CADM2: variants seen among roughly 807,000 people sequenced by gnomAD.
CADM2 encodes cell adhesion molecule 2.
CADM2 carries 12 observed loss-of-function variants against 49.8 expected under a neutral mutation model. The observed-to-expected ratio is 0.24, with a 90% CI of 0.15 to 0.39. CADM2 has a LOEUF of 0.39. Among genes scored for constraint, CADM2 ranks in the 10% least tolerant of loss-of-function variants. The probability of loss-of-function intolerance (pLI) is 1.00; values close to 1 mark genes in which losing one functional copy is unlikely to be tolerated. For synonymous variants in CADM2, 214 were observed against 175.4 expected (o/e 1.22, Z -1.74); for missense variants, 378 against 492.3 (o/e 0.77, Z 2.20).
At chr3:85,853,343 A>G (rs1252412469) in intron 3 of CADM2, among the ~76,000 whole-genome samples, 5 of 152,088 alleles carry the variant, frequency 3.3e-5, no homozygotes, top group Non-Finnish European at 1.5e-5. Flanking sequence ...GAAGGGGGAC[A>G]GATCATCTAA....
chr3:84,971,305 T>G (rs1414737814), intron 1 of CADM2, among the ~76,000 whole-genome samples: 1 of 152,142 alleles, frequency 6.6e-6, no homozygotes, highest in Non-Finnish European at 1.5e-5. Flanking sequence ...AGTATTGATT[T>G]TACGGAAAGA....
At chr3:85,552,668 A>G (rs548410174) in intron 1 of CADM2, among the ~76,000 whole-genome samples, 5 of 139,260 alleles carry the variant, frequency 3.6e-5, no homozygotes, top group Admixed American at 2.1e-4. Context: ...GTGTGAGCCA[A>G]TGCGCCCGGC....
intron 3 of CADM2, among the ~76,000 whole-genome samples, chr3:85,823,047 G>A (rs2073688141): frequency 1.3e-5 from 2 of 152,140 alleles, no homozygotes; most frequent in African/African-American, 4.8e-5. Flanking sequence ...TAAGATAAGT[G>A]AAGGCTGGCT....
At chr3:85,843,946 A>G (rs898105108) in intron 3 of CADM2, among the ~76,000 whole-genome samples, 1 of 151,912 alleles carries the variant, frequency 6.6e-6, no homozygotes, top group Non-Finnish European at 1.5e-5. Context: ...CTTAGTTTAG[A>G]TATTACTAGC....
chr3:84,987,035 A>G (rs1272306777), intron 1 of CADM2, among the ~76,000 whole-genome samples: 3 of 151,866 alleles, frequency 2.0e-5, no homozygotes, highest in African/African-American at 7.2e-5. Context: ...CTGGGCAACA[A>G]GAGCGAAACT....
intron 1 of CADM2, among the ~76,000 whole-genome samples, chr3:85,154,225 A>G (rs926788953): frequency 4.6e-5 from 7 of 152,300 alleles, no homozygotes; most frequent in Non-Finnish European, 8.8e-5. Context: ...TAGAATAACC[A>G]ATATAGAGAA....
chr3:85,573,286 G>A (rs911868003), intron 1 of CADM2, among the ~76,000 whole-genome samples: 7 of 151,822 alleles, frequency 4.6e-5, no homozygotes, highest in South Asian at 2.1e-4. Context: ...TCTGCTTCCC[G>A]GGTTCAAGTG....
intron 1 of CADM2, among the ~76,000 whole-genome samples, chr3:85,721,194 T>G (rs1241257975): frequency 6.6e-6 from 1 of 152,222 alleles, no homozygotes; most frequent in Non-Finnish European, 1.5e-5. Flanking sequence ...TAATTTGTAG[T>G]GTGTACTATA....
chr3:85,995,622 C>G (rs919155011), intron 8 of CADM2, among the ~76,000 whole-genome samples: 3 of 152,152 alleles, frequency 2.0e-5, no homozygotes, highest in East Asian at 3.9e-4. Context: ...TGACCATACA[C>G]TATTTATTTC....
chr3:85,697,114 C>CAT (rs1174142599), intron 1 of CADM2, among the ~76,000 whole-genome samples: 22 of 141,820 alleles, frequency 1.6e-4, no homozygotes, highest in South Asian at 8.9e-4. Context: ...ATATATATGG[C>CAT]ATATATATAT....
In CADM2 at chr3:85,042,072, C is replaced by A. The variant is rs180685328; in HGVS notation, c.61+82404C>A. 2.0e-3 allele frequency among the ~76,000 whole-genome samples: 303 copies of A among 152,094 alleles called. 1 individual carries two copies. The highest frequency in any genetic ancestry group is 3.1e-3 in the Non-Finnish European group (209 of 67,988). ...TCAGAATGTAATTACCCTACATTAC[C>A]CTATCAGTCACTCTTCTTCATCAGG... On this transcript the variant is annotated intron_variant, in intron 1 of 9. Transcript: ENST00000383699.
intron 1 of CADM2, among the ~76,000 whole-genome samples, chr3:85,168,326 A>T (rs2040526317): frequency 6.6e-6 from 1 of 152,132 alleles, no homozygotes; most frequent in South Asian, 2.1e-4. Flanking sequence ...AAGTGCTGTG[A>T]TTACAGGCAT....
intron 1 of CADM2, among the ~76,000 whole-genome samples, chr3:85,271,841 G>A (rs11715692): frequency 0.059 from 8,935 of 151,226 alleles, 344 homozygotes; most frequent in Middle Eastern, 0.13. Context: ...TCCCATAATA[G>A]ATGTTTTATT....
At chr3:85,454,785 G>T (rs968519540) in intron 1 of CADM2, among the ~76,000 whole-genome samples, 9 of 152,220 alleles carry the variant, frequency 5.9e-5, no homozygotes, top group African/African-American at 1.9e-4. Context: ...TATCGTTGTT[G>T]CCTTTAGGGA....
At chr3:85,253,471 C>G (rs1483007387) in intron 1 of CADM2, among the ~76,000 whole-genome samples, 1 of 151,980 alleles carries the variant, frequency 6.6e-6, no homozygotes, top group East Asian at 1.9e-4. Context: ...TCCTTATTCC[C>G]TATAAGGTAG....
chr3:85,848,842 A>G (rs1468598986), intron 3 of CADM2, among the ~76,000 whole-genome samples: 4 of 152,186 alleles, frequency 2.6e-5, no homozygotes, highest in Admixed American at 6.5e-5. Flanking sequence ...GCACTGGTCT[A>G]CTTCATTTCA....
chr3:85,695,850 G>T lies in CADM2; in HGVS notation c.62-30672G>T, dbSNP rs534347414. ...AATCTCCATATTGTTTTCCATAGAG[G>T]CTGTACTAATTTACAATCAACCAGC... On this transcript the variant is annotated intron_variant, in intron 1 of 9. Transcript: ENST00000383699. 5.9e-5 allele frequency among the ~76,000 whole-genome samples: 9 copies of T among 152,168 alleles called. No homozygotes were observed. The East Asian group carries it at 1.4e-3, about 23-fold the overall frequency.
At chr3:85,141,088 A>G (rs953782965) in intron 1 of CADM2, among the ~76,000 whole-genome samples, 2 of 152,142 alleles carry the variant, frequency 1.3e-5, no homozygotes, top group Admixed American at 1.3e-4. Context: ...GTGAGGCTTC[A>G]TATTCTGCAA....
chr3:85,768,470 T>TAAATAATAAATA (rs11456585), intron 2 of CADM2, among the ~76,000 whole-genome samples: 40 of 143,778 alleles, frequency 2.8e-4, no homozygotes, highest in Non-Finnish European at 5.6e-4. Flanking sequence ...AATAAATAAA[T>TAAATAATAAATA]AATAAATAAA....
Sources: allele counts gnomAD v4.1 joint callset (sites outside exome capture counted in the v4.1 genomes callset), GRCh38; gene constraint gnomAD v4.1.1; transcripts MANE v1.5; gene names NCBI Gene and HGNC (gene_info 2026-07-23, HGNC 2026-07-21).